Variants in LAMA5 observed in about 807,000 individuals in gnomAD.
The protein encoded by LAMA5 is laminin subunit alpha-5.
A neutral mutation model predicts 433.4 loss-of-function variants in LAMA5; 260 were observed. The observed-to-expected ratio is 0.60, with a 90% CI of 0.54 to 0.66. The LOEUF (loss-of-function observed/expected upper bound fraction) is 0.66, where lower values mean the gene tolerates loss of function less well. Among genes scored for constraint, LAMA5 ranks in the 30% least tolerant of loss-of-function variants. The probability of loss-of-function intolerance (pLI) is 0.00; values close to 1 mark genes in which losing one functional copy is unlikely to be tolerated. For synonymous variants in LAMA5, 2,620 were observed against 2,226.6 expected (o/e 1.18, Z -4.97); for missense variants, 5,378 against 5,258.5 (o/e 1.02, Z -0.70).
rs1439494583 is a variant in LAMA5, at chr20:62,329,850, T to C, written c.4046A>G (p.Gln1349Arg). ...GCTGTGGGTCACGTCCAGCAGGGCC[T>C]GGCCCTCACACACCACCAGGGTGCG... ...GCRTLVVCEG[Q>R]ALLDVTHSEL... Residue 1349 changes from glutamine (Q) to arginine (R), a missense_variant, in exon 32 of 80, where the codon CAG becomes CGG. By Grantham distance (43) the Gln-to-Arg change is conservative. Coordinates refer to ENST00000252999, the MANE Select transcript of LAMA5 (RefSeq NM_005560.6). 7 of 1,612,456 alleles carry C rather than the reference T, an allele frequency of 4.3e-6. No individual in the cohort carries two copies. The highest frequency in any genetic ancestry group is 5.9e-6 in the Non-Finnish European group (7 of 1,179,840).
chr20:62,345,867 C>G lies in LAMA5; in HGVS notation c.1428G>C (p.Ser476=). The G allele has an allele frequency of 1.3e-6, 2 of 1,553,128 alleles. No homozygotes were observed. Among genetic ancestry groups the G allele is most frequent in the Non-Finnish European group, 1.7e-6 (2 of 1,148,206 alleles). The change falls in exon 11 of 80, where the codon TCG becomes TCC. Residue 476 remains serine (S), a synonymous_variant. Coordinates refer to ENST00000252999, the MANE Select transcript of LAMA5 (RefSeq NM_005560.6). Reference sequence around the variant, plus strand: ...CCTGCTCCCTGGTGTCATTGGAGGACGAGGGCGTCGCTGAGGGGAAGAGAC... The same window carrying G: ...CCTGCTCCCTGGTGTCATTGGAGGAGGAGGGCGTCGCTGAGGGGAAGAGAC... ...TGFPSCYPTP[S]SSNDTREQVL...
At chr20:62,364,018 C>G (rs1451342198) in intron 1 of LAMA5, among the ~76,000 whole-genome samples, 1 of 152,214 alleles carries the variant, frequency 6.6e-6, no homozygotes, top group African/African-American at 2.4e-5. Flanking sequence ...CTGGAATTAT[C>G]TGGGGGCCTC....
Position 62,367,170 on chromosome 20 carries a change from C to A in LAMA5, c.76G>T (p.Gly26Trp). The change falls in exon 1 of 80, where the codon GGG (glycine) becomes TGG (tryptophan). Residue 26 changes from glycine to tryptophan, a missense_variant. Gly to Trp is a radical substitution (Grantham distance 184). Transcript: ENST00000252999. Reference protein sequence around the residue: ...PRGPAPLLLVGLALLGAARAR... With the variant: ...PRGPAPLLLVWLALLGAARAR... ...CGCGCCGCGCCCAGCAGCGCCAGCC[C>A]GACCAGCAGCAGCGGCGCGGGGCCC... 8.0e-7 allele frequency: 1 copy of A among 1,246,368 alleles called. No homozygotes were observed. Among genetic ancestry groups the A allele is most frequent in the Non-Finnish European group, 1.0e-6 (1 of 998,824 alleles). The allele number at this position is 1,246,368 out of a possible 1,614,324, so 77.2% of individuals were successfully genotyped here. A position where few individuals can be genotyped will look rare whatever the true frequency, so the allele number is the denominator to read the frequency against.
intron 18 of LAMA5, among the ~76,000 whole-genome samples, chr20:62,335,933 CCCT>C (rs1981535232): frequency 6.8e-6 from 1 of 146,172 alleles, no homozygotes; most frequent in African/African-American, 2.6e-5. Context: ...CCCCAACACT[CCCT>C]CCAGGACACA....
Position 62,310,527 on chromosome 20 carries a change from C to T in LAMA5, c.10492G>A (p.Gly3498Arg), listed in dbSNP as rs763677483. The change falls in exon 76 of 80, where the codon GGG (glycine) becomes AGG (arginine). Residue 3498 changes from glycine to arginine, a missense_variant. Transcript: ENST00000252999. The stretch of plus-strand genomic sequence containing the variant: ...CGTGTGGGGGCCCCCAGGGGCCTCC[C>T]GTGCAGCCTCAGTCTCTTCACACAG... ...SGCVKRLRLH[G>R]RPLGAPTRMA... The T allele has an allele frequency of 3.2e-6, 5 of 1,551,688 alleles. No individual in the cohort carries two copies. The highest frequency in any genetic ancestry group is 2.2e-5 in the East Asian group (1 of 44,574).
rs764565794 is a variant in LAMA5 at position 62,324,478 on chromosome 20, T to C, written c.5606A>G (p.His1869Arg). 5 of 1,612,290 alleles carry C rather than the reference T, an allele frequency of 3.1e-6. No individual in the cohort carries two copies. The East Asian group carries it at 6.7e-5, about 22-fold the overall frequency. The change falls in exon 42 of 80, where the codon CAC (histidine) becomes CGC (arginine). Residue 1869 changes from histidine (H) to arginine (R), a missense_variant. By Grantham distance (29) the His-to-Arg change is conservative. Coordinates refer to ENST00000252999, the MANE Select transcript of LAMA5 (RefSeq NM_005560.6). This position sits in a 1 kb window ranked among gnomAD's most constrained non-coding sequence, Gnocchi z 4.4. ...AGAGCCAGGGAGGCAGCGGTCTGAG[T>C]GTCCATGGCACTGACAAGGGACACA... ...GRCVPCQCHG[H>R]SDRCLPGSGV...
At chr20:62,317,234 T>C in intron 55 of LAMA5, 111 bp downstream of exon 55, 5 of 1,294,592 alleles carry the variant, frequency 3.9e-6, no homozygotes, top group Non-Finnish European at 5.1e-6. Context: ...CTGGCTTCTT[T>C]GAGGACAACG....
intron 70 of LAMA5, 32 bp from the exon 71 acceptor site, chr20:62,311,816 T>TTGGGC: frequency 7.1e-5 from 108 of 1,520,276 alleles, no homozygotes; most frequent in Non-Finnish European, 8.9e-5. Context: ...GCTCGGTTTT[T>TTGGGC]CCCCACCCTG....
rs531267442 is a variant in LAMA5 at position 62,363,504 on chromosome 20, C to T, written c.298-952G>A. 3.6e-3 allele frequency among the ~76,000 whole-genome samples: 553 copies of T among 152,172 alleles called. 1 individual carries two copies. Among genetic ancestry groups the T allele is most frequent in the South Asian group, 8.9e-3 (43 of 4,818 alleles). On this transcript the variant is annotated intron_variant, in intron 1 of 79. Coordinates refer to ENST00000252999, the MANE Select transcript of LAMA5 (RefSeq NM_005560.6). ...GAGGAGGCTCCCAGCAGAATCCTGG[C>T]CTGCATCCTGGCAGGGGAGGGGTAG...
intron 62 of LAMA5, 124 bp downstream of exon 62, chr20:62,314,152 ACGAGGGGTGGCGAGTGGGCACGGAGAGG>A (rs1568898462): frequency 3.4e-5 from 32 of 946,096 alleles, no homozygotes; most frequent in South Asian, 9.6e-5. Context: ...GGGCACAGAG[ACGAGGGGTGGCGAGTGGGCACGGAGAGG>A]CGAGGGGTGG....
chr20:62,330,247 T>A (rs1242797523), intron 31 of LAMA5, among the ~76,000 whole-genome samples: 2 of 152,336 alleles, frequency 1.3e-5, no homozygotes, highest in East Asian at 1.9e-4. Flanking sequence ...ATTCGCCACG[T>A]GCCATGGAGC....
chr20:62,322,534 C>A lies in LAMA5; in HGVS notation c.6166-85G>T, dbSNP rs566544505. The A allele has an allele frequency of 2.9e-4, 430 of 1,462,190 alleles. 2 individuals are homozygous for A. The African/African-American group carries it at 4.2e-3, about 14-fold the overall frequency. The allele number at this position is 1,462,190 out of a possible 1,614,324, so 90.6% of individuals were successfully genotyped here. On this transcript the variant is annotated intron_variant, in intron 46 of 79. Coordinates refer to ENST00000252999, the MANE Select transcript of LAMA5 (RefSeq NM_005560.6). ...GAAGCCAGGGGTCCTGCCCATCTGG[C>A]CCCACCCCCTGAGGCTCTGCCCATC...
rs372246055 is a variant in LAMA5 at position 62,317,074 on chromosome 20, C to T, written c.7512-51G>A. On this transcript the variant is annotated intron_variant, in intron 55 of 79. Coordinates refer to ENST00000252999, the MANE Select transcript of LAMA5 (RefSeq NM_005560.6). Reference sequence around the variant, plus strand: ...AGTGGGTAAGCGCAGACGCCCTCGGCCTGGCTCTCCAGCCTCCTGCGCTCA... The same window carrying T: ...AGTGGGTAAGCGCAGACGCCCTCGGTCTGGCTCTCCAGCCTCCTGCGCTCA... The T allele has an allele frequency of 2.0e-6, 3 of 1,485,152 alleles. No homozygotes were observed. The Admixed American group carries it at 7.2e-5, about 36-fold the overall frequency. 92.0% of individuals were successfully genotyped at this position (1,485,152 alleles called of 1,614,324 possible).
rs751201189 is a variant in LAMA5 at position 62,311,729 on chromosome 20, G to A, written c.9691C>T (p.Pro3231Ser). 17 of 1,560,682 alleles carry A rather than the reference G, an allele frequency of 1.1e-5. No individual in the cohort carries two copies. The highest frequency in any genetic ancestry group is 2.4e-5 in the East Asian group (1 of 41,940). Residue 3231 changes from proline to serine, a missense_variant, in exon 71 of 80, where the codon CCC becomes TCC. Physicochemically the swap from Pro to Ser is moderately conservative, Grantham distance 74 (BLOSUM62 -1). Transcript: ENST00000252999. ...LQQMKPHRGPPPELQPQPEGP... is the reference protein window; with the variant it reads ...LQQMKPHRGPSPELQPQPEGP... ...TCAGGCTGCGGCTGGAGCTCGGGGG[G>A]TGGTCCCCGGTGGGGCTTCATCTGC...
At chr20:62,317,831 G>A in intron 53 of LAMA5, 53 bp from the exon 54 acceptor site, 1 of 1,026,364 alleles carries the variant, frequency 9.7e-7, no homozygotes, top group South Asian at 1.7e-5. Context: ...AAAGAATAAA[G>A]GATGTGATGG....
Position 62,322,364 on chromosome 20 carries a change from T to C in LAMA5, c.6251A>G (p.Gln2084Arg). 1 of 1,593,404 alleles carries C rather than the reference T, an allele frequency of 6.3e-7. No individual in the cohort carries two copies. The highest frequency in any genetic ancestry group is 1.3e-5 in the African/African-American group (1 of 74,586). ...TGGTCGGCAGTGGCACTGTCCGCTC[T>C]GGGGGTGGCACTCGGAGCCCTCGGC... ...PAAEGSECHP[Q>R]SGQCHCRPGT... Residue 2084 changes from glutamine (Q) to arginine (R), a missense_variant, in exon 47 of 80, where the codon CAG becomes CGG. Transcript: ENST00000252999.
rs1981193182 is a variant in LAMA5 at position 62,334,629 on chromosome 20, G to C, written c.2483-8C>G. ...CAATGTCACACCGGCAGCCTGCAGG[G>C]AGAAGGTGGGAGGTCAGAGGCTGCC... On this transcript the variant is annotated splice_region_variant and splice_polypyrimidine_tract_variant and intron_variant, in intron 20 of 79. Transcript: ENST00000252999. The C allele has an allele frequency of 6.5e-7, 1 of 1,543,790 alleles. No homozygotes were observed. The highest frequency in any genetic ancestry group is 2.0e-5 in the Admixed American group (1 of 50,902).
Position 62,322,122 on chromosome 20 carries a change from GCAGCGGCCCGTGTGAGGGTCA to G in LAMA5, c.6372_6392del (p.Asp2125_Cys2131del), listed in dbSNP as rs1355121261. ...CCCCGCTGAGCCCCGGGGGGCAGTTGCAGCGGCCCGTGTGAGGGTCACAGCGGCCCCCAGGGCACTGGCAGC... is the reference window on the plus strand; with the variant it reads ...CCCCGCTGAGCCCCGGGGGGCAGTTGCAGCGGCCCCCAGGGCACTGGCAGC... On this transcript the variant is annotated inframe_deletion, in exon 48 of 80. Transcript: ENST00000252999. 7.5e-6 allele frequency: 12 copies of G among 1,602,974 alleles called. No homozygotes were observed. Among genetic ancestry groups the G allele is most frequent in the Non-Finnish European group, 7.6e-6 (9 of 1,178,452 alleles).
intron 1 of LAMA5, among the ~76,000 whole-genome samples, chr20:62,365,018 C>A (rs1038366872): frequency 6.6e-6 from 1 of 152,254 alleles, no homozygotes; most frequent in Non-Finnish European, 1.5e-5. Flanking sequence ...CCAGGGCGGT[C>A]AGCAGACCCG....
Sources: gnomAD v4.1 joint callset for allele counts (sites outside exome capture counted in the v4.1 genomes callset) on GRCh38, gnomAD v4.1.1 for gene constraint, Gnocchi (gnomAD v3.1) non-coding constraint, MANE v1.5 for transcripts, NCBI Gene and HGNC (gene_info 2026-07-23, HGNC 2026-07-21) for gene names.